Variants in GMDS observed in about 807,000 individuals in gnomAD.
GMDS encodes the protein GDP-mannose 4,6-dehydratase.
A neutral mutation model predicts 49.9 loss-of-function variants in GMDS; 20 were observed. The ratio of observed to expected loss-of-function variants is 0.40; its 90% CI spans 0.28 to 0.58. The LOEUF (loss-of-function observed/expected upper bound fraction) is 0.58, where lower values mean the gene tolerates loss of function less well. GMDS is among the 20% of genes least tolerant of loss of function. The pLI, the probability that GMDS is intolerant of heterozygous loss-of-function variation, is 0.42. For synonymous variants in GMDS, 177 were observed against 178.6 expected (o/e 0.99, Z 0.07); for missense variants, 362 against 481.4 (o/e 0.75, Z 2.32).
At chr6:1,644,070 G>C (rs1229005547) in intron 9 of GMDS, among the ~76,000 whole-genome samples, 1 of 152,152 alleles carries the variant, frequency 6.6e-6, no homozygotes, top group Non-Finnish European at 1.5e-5. Flanking sequence ...ATTGCCCCGT[G>C]TCCTCGGCCT....
At chr6:1,825,006 T>A (rs145129459) in intron 7 of GMDS, among the ~76,000 whole-genome samples, 101 of 152,336 alleles carry the variant, frequency 6.6e-4, no homozygotes, top group Non-Finnish European at 1.1e-3. Flanking sequence ...AATATGTGGT[T>A]ATTTTTCTGA....
chr6:1,857,611 A>T lies in GMDS; in HGVS notation c.771+72492T>A, dbSNP rs143068292. On this transcript the variant is annotated intron_variant, in intron 7 of 10. Transcript: ENST00000380815. ...TTTGCTTCCTGTTTGTGAGTTGGAG[A>T]ATTGCCAAGCAGAATGTACACCTCC... 1.7e-3 allele frequency among the ~76,000 whole-genome samples: 260 copies of T among 152,246 alleles called. 1 individual carries two copies. The highest frequency in any genetic ancestry group is 0.013 in the South Asian group (64 of 4,818).
chr6:1,938,194 C>T (rs771112917), intron 6 of GMDS, among the ~76,000 whole-genome samples: 5 of 152,176 alleles, frequency 3.3e-5, no homozygotes, highest in African/African-American at 1.2e-4. Context: ...TGTTTCAGCT[C>T]TGCAAGTTTT....
At chr6:1,889,497 C>A (rs1373346471) in intron 7 of GMDS, among the ~76,000 whole-genome samples, 1 of 152,174 alleles carries the variant, frequency 6.6e-6, no homozygotes, top group Non-Finnish European at 1.5e-5. Flanking sequence ...TTCACTTCCA[C>A]GGCTTCGACT....
At chr6:2,148,691 A>G (rs1464932407) in intron 1 of GMDS, among the ~76,000 whole-genome samples, 1 of 152,210 alleles carries the variant, frequency 6.6e-6, no homozygotes, top group South Asian at 2.1e-4. Context: ...AAGTGCTGGG[A>G]TTACAGGCAT....
chr6:2,159,636 A>G (rs1465936214), intron 1 of GMDS, among the ~76,000 whole-genome samples: 1 of 146,864 alleles, frequency 6.8e-6, no homozygotes, highest in African/African-American at 2.5e-5. Context: ...CTCCTGCCTC[A>G]GCCTCCCAAG....
At chr6:1,797,466 CAAGT>C (rs933691728) in intron 7 of GMDS, among the ~76,000 whole-genome samples, 8 of 152,148 alleles carry the variant, frequency 5.3e-5, no homozygotes, top group African/African-American at 9.7e-5. Context: ...AAGCTCCTCT[CAAGT>C]AAGTGTTTTG....
intron 1 of GMDS, among the ~76,000 whole-genome samples, chr6:2,174,579 T>C (rs947020036): frequency 1.3e-5 from 2 of 148,552 alleles, no homozygotes; most frequent in East Asian, 2.1e-4. Context: ...GTTTTGTTTT[T>C]TAAATTGAGA....
intron 4 of GMDS, among the ~76,000 whole-genome samples, chr6:2,090,678 G>A (rs1381335591): frequency 1.3e-5 from 2 of 152,130 alleles, no homozygotes; most frequent in Admixed American, 6.5e-5. Context: ...AAAAGTTTTT[G>A]GAATGGTGCT....
At chr6:2,110,522 C>G (rs1396651288) in intron 4 of GMDS, among the ~76,000 whole-genome samples, 4 of 152,110 alleles carry the variant, frequency 2.6e-5, no homozygotes, top group African/African-American at 4.8e-5. Flanking sequence ...ACGCACTGGC[C>G]CCTTGACTCA....
chr6:1,987,274 T>G lies in GMDS; in HGVS notation c.346-26308A>C, dbSNP rs527877619. 5.3e-5 allele frequency among the ~76,000 whole-genome samples: 3 copies of G among 56,112 alleles called. No homozygotes were observed. In the East Asian group the frequency reaches 1.3e-3, roughly 24 times the overall value. The allele number at this position is 56,112 out of a possible 152,430, so 36.8% of individuals were successfully genotyped here. On this transcript the variant is annotated intron_variant, in intron 4 of 10. Coordinates refer to ENST00000380815, the MANE Select transcript of GMDS (RefSeq NM_001500.4). ...TGTGGGAAAGGAATTTTTAAAACCTTTTTTCAACTTTTTTTTTCTTCCTTT... is the reference window on the plus strand; with the variant it reads ...TGTGGGAAAGGAATTTTTAAAACCTGTTTTCAACTTTTTTTTTCTTCCTTT...
chr6:2,214,243 T>G (rs1780211738), intron 1 of GMDS, among the ~76,000 whole-genome samples: 1 of 152,162 alleles, frequency 6.6e-6, no homozygotes, highest in Non-Finnish European at 1.5e-5. Flanking sequence ...ACCAAGTCAT[T>G]AAAAACTGGT....
intron 1 of GMDS, among the ~76,000 whole-genome samples, chr6:2,151,777 A>C (rs1470518840): frequency 6.6e-6 from 1 of 152,156 alleles, no homozygotes; most frequent in Non-Finnish European, 1.5e-5. Flanking sequence ...TGTGTACTGT[A>C]AATTTTTCTT....
chr6:1,915,343 A>C (rs1308227770), intron 7 of GMDS, among the ~76,000 whole-genome samples: 5 of 152,208 alleles, frequency 3.3e-5, no homozygotes, highest in Non-Finnish European at 1.5e-5. Context: ...CCAATTCTTC[A>C]GTGAAGTGGC....
chr6:1,740,234 A>G (rs1176951886), intron 8 of GMDS, among the ~76,000 whole-genome samples: 8 of 152,244 alleles, frequency 5.3e-5, no homozygotes, highest in African/African-American at 1.9e-4. Context: ...AGTGGCAGAT[A>G]TTAATTTCTG....
At chr6:1,698,982 A>AT (rs1346821415) in intron 9 of GMDS, among the ~76,000 whole-genome samples, 2 of 151,750 alleles carry the variant, frequency 1.3e-5, no homozygotes, top group Non-Finnish European at 2.9e-5. Context: ...CCCAATCTCC[A>AT]TTTTCATGCA....
At chr6:2,169,985 C>T (rs1206891312) in intron 1 of GMDS, among the ~76,000 whole-genome samples, 2 of 152,180 alleles carry the variant, frequency 1.3e-5, no homozygotes, top group Non-Finnish European at 2.9e-5. Flanking sequence ...GGGCCGATCA[C>T]CTGAGGTCGG....
At chr6:2,068,246 G>A (rs914646091) in intron 4 of GMDS, among the ~76,000 whole-genome samples, 1 of 152,042 alleles carries the variant, frequency 6.6e-6, no homozygotes, top group African/African-American at 2.4e-5. Flanking sequence ...CAATAAATTA[G>A]GTATTGATGG....
intron 4 of GMDS, among the ~76,000 whole-genome samples, chr6:2,026,478 A>G (rs1168019434): frequency 6.6e-6 from 1 of 152,242 alleles, no homozygotes; most frequent in Admixed American, 6.5e-5. Context: ...GGGTTAACGC[A>G]CACATCGTTT....
Sources: gnomAD v4.1 joint callset for allele counts (sites outside exome capture counted in the v4.1 genomes callset) on GRCh38, gnomAD v4.1.1 for gene constraint, MANE v1.5 for transcripts, NCBI Gene and HGNC (gene_info 2026-07-23, HGNC 2026-07-21) for gene names.